HSD3B2: variants seen among roughly 807,000 people sequenced by gnomAD.
HSD3B2 encodes 3 beta-hydroxysteroid dehydrogenase/Delta 5-->4-isomerase type 2.
Under a neutral mutation model 9.9 loss-of-function variants are expected in HSD3B2, and 8 were observed. That is an observed-to-expected ratio of 0.81 (90% confidence interval 0.47 to 1.46). HSD3B2 has a LOEUF of 1.46. Among genes scored for constraint, HSD3B2 ranks in the 40% most tolerant of loss-of-function variants. The pLI is 0.00. For missense variants in HSD3B2, 410 were observed against 448.3 expected (o/e 0.91, Z 0.77); for synonymous variants, 221 against 184.5 (o/e 1.20, Z -1.60).
intron 2 of HSD3B2, among the ~76,000 whole-genome samples, chr1:119,418,868 C>A (rs932530158): frequency 5.9e-5 from 9 of 152,062 alleles, no homozygotes; most frequent in African/African-American, 2.2e-4. Context: ...TCCAGCCAGA[C>A]CTCCACCTCC....
chr1:119,422,332 C>A lies in HSD3B2; in HGVS notation c.831C>A (p.Leu277=). Residue 277 remains leucine, a synonymous_variant, in exon 4 of 4, where the codon CTC becomes CTA. Coordinates refer to ENST00000369416, the MANE Select transcript of HSD3B2 (RefSeq NM_000198.4). Reference sequence around the variant, plus strand: ...ACATCCTGAGCAAAGAGTTTGGCCTCCGCCTTGATTCCAGATGGAGCCTTC... The same window carrying A: ...ACATCCTGAGCAAAGAGTTTGGCCTACGCCTTGATTCCAGATGGAGCCTTC... ...LNYILSKEFG[L]RLDSRWSLPL... 6.2e-7 allele frequency: 1 copy of A among 1,614,182 alleles called. No homozygotes were observed. The highest frequency in any genetic ancestry group is 8.5e-7 in the Non-Finnish European group (1 of 1,180,004).
rs1476492549 is a variant in HSD3B2, at chr1:119,423,028, A to C, written c.*408A>C. ...AGAGCAATAAATGTTTTAATGCTTA[A>C]CATGGAGAGAAGCATGGTTTCTGTT... On this transcript the variant is annotated 3_prime_UTR_variant, in exon 4 of 4. Coordinates refer to ENST00000369416, the MANE Select transcript of HSD3B2 (RefSeq NM_000198.4). 2 of 306,462 alleles carry C rather than the reference A, an allele frequency of 6.5e-6. No homozygotes were observed. Among genetic ancestry groups the C allele is most frequent in the Admixed American group, 9.5e-5 (2 of 21,150 alleles). The allele number at this position is 306,462 out of a possible 1,614,324, so 19.0% of individuals were successfully genotyped here. A position where few individuals can be genotyped will look rare whatever the true frequency, so the allele number is the denominator to read the frequency against.
intron 3 of HSD3B2, 59 bp from the exon 4 acceptor site, chr1:119,421,750 T>A: frequency 6.3e-7 from 1 of 1,586,384 alleles, no homozygotes. Flanking sequence ...GATCTGTGCA[T>A]GTGGTTGCAG....
chr1:119,421,779 T>A (rs587730005), intron 3 of HSD3B2, 30 bp from the exon 4 acceptor site: 2 of 1,612,900 alleles, frequency 1.2e-6, no homozygotes, highest in East Asian at 4.5e-5. Flanking sequence ...GGATATTTCC[T>A]GACACTGTCA....
chr1:119,419,758 G>T (rs1651810730), intron 3 of HSD3B2, 176 bp downstream of exon 3: 1 of 660,666 alleles, frequency 1.5e-6, no homozygotes, highest in African/African-American at 1.8e-5. Flanking sequence ...TTTTAGATGA[G>T]AAAACTAGGG....
Position 119,415,991 on chromosome 1 carries a change from C to G in HSD3B2, c.142+430C>G, listed in dbSNP as rs587613635. On this transcript the variant is annotated intron_variant, in intron 2 of 3. Coordinates refer to ENST00000369416, the MANE Select transcript of HSD3B2 (RefSeq NM_000198.4). ...AGGCTTCATTTCATTTTATAGCTTC[C>G]TTAGTATCTTTAGTGAGGGCAAAAT... Among the ~76,000 whole-genome samples, 9 of 152,198 alleles carry G rather than the reference C, an allele frequency of 5.9e-5. No individual in the cohort carries two copies. In the East Asian group the frequency reaches 1.5e-3, roughly 26 times the overall value.
chr1:119,415,833 C>T (rs141596586), intron 2 of HSD3B2, among the ~76,000 whole-genome samples: 1 of 152,322 alleles, frequency 6.6e-6, no homozygotes, highest in Non-Finnish European at 1.5e-5. Flanking sequence ...GAGAGTCACA[C>T]ATGAGTTCTC....
chr1:119,419,144 C>T (rs1026313013), intron 2 of HSD3B2, among the ~76,000 whole-genome samples: 8 of 152,150 alleles, frequency 5.3e-5, no homozygotes, highest in Non-Finnish European at 1.2e-4. Context: ...TCTAGCAATG[C>T]TTATATTTCA....
Position 119,422,995 on chromosome 1 carries a change from C to A in HSD3B2, c.*375C>A, listed in dbSNP as rs1360651487. The A allele has an allele frequency of 1.1e-5, 4 of 365,246 alleles. No individual in the cohort carries two copies. The highest frequency in any genetic ancestry group is 2.0e-5 in the Non-Finnish European group (4 of 198,312). 22.6% of individuals were successfully genotyped at this position (365,246 alleles called of 1,614,324 possible). Reference sequence around the variant, plus strand: ...TAATCTCCTATTCCTTCACACAGTTCAACATAAAGAGCAATAAATGTTTTA... The same window carrying A: ...TAATCTCCTATTCCTTCACACAGTTAAACATAAAGAGCAATAAATGTTTTA... On this transcript the variant is annotated 3_prime_UTR_variant, in exon 4 of 4. Coordinates refer to ENST00000369416, the MANE Select transcript of HSD3B2 (RefSeq NM_000198.4).
chr1:119,419,868 G>A, intron 3 of HSD3B2: 1 of 416,936 alleles, frequency 2.4e-6, no homozygotes. Context: ...AAAGGCTGTG[G>A]AAGCTCTTTC....
chr1:119,419,529 T>C lies in HSD3B2; in HGVS notation c.254T>C (p.Ile85Thr). The change falls in exon 3 of 4, where the codon ATT (isoleucine) becomes ACT (threonine). Residue 85 changes from isoleucine to threonine, a missense_variant. By Grantham distance (89) the Ile-to-Thr change is moderately conservative. Transcript: ENST00000369416. ...GTCGTCATCCACACCGCCTGTATCA[T>C]TGATGTCTTTGGTGTCACTCACAGA... Reference protein sequence around the residue: ...VSVVIHTACIIDVFGVTHRES... With the variant: ...VSVVIHTACITDVFGVTHRES... 6.2e-7 allele frequency: 1 copy of C among 1,613,898 alleles called. No homozygotes were observed. The highest frequency in any genetic ancestry group is 8.5e-7 in the Non-Finnish European group (1 of 1,179,832).
chr1:119,422,681 A>T lies in HSD3B2; in HGVS notation c.*61A>T, dbSNP rs1651926308. ...TAGGAAATGTCATCAAACTCCACCCACCTGGCTTCATACAGAAGGCAACAG... is the reference window on the plus strand; with the variant it reads ...TAGGAAATGTCATCAAACTCCACCCTCCTGGCTTCATACAGAAGGCAACAG... On this transcript the variant is annotated 3_prime_UTR_variant, in exon 4 of 4. Transcript: ENST00000369416. 6.3e-7 allele frequency: 1 copy of T among 1,592,754 alleles called. No homozygotes were observed. Among genetic ancestry groups the T allele is most frequent in the Non-Finnish European group, 8.6e-7 (1 of 1,168,192 alleles).
chr1:119,421,135 A>G (rs1011811944), intron 3 of HSD3B2, among the ~76,000 whole-genome samples: 1 of 151,922 alleles, frequency 6.6e-6, no homozygotes, highest in African/African-American at 2.4e-5. Flanking sequence ...TATATCTAAG[A>G]GTGTATATTG....
intron 2 of HSD3B2, among the ~76,000 whole-genome samples, chr1:119,419,185 C>T (rs1651791752): frequency 6.6e-6 from 1 of 152,166 alleles, no homozygotes; most frequent in Non-Finnish European, 1.5e-5. Context: ...GCTCACATTA[C>T]TTTTCTGGAA....
intron 2 of HSD3B2, 121 bp downstream of exon 2, chr1:119,415,682 T>A: frequency 2.0e-6 from 2 of 1,015,324 alleles, no homozygotes; most frequent in Non-Finnish European, 3.1e-6. Flanking sequence ...GTCACACATC[T>A]AAAGTCATCA....
At chr1:119,416,094 G>A (rs1286153555) in intron 2 of HSD3B2, among the ~76,000 whole-genome samples, 1 of 151,952 alleles carries the variant, frequency 6.6e-6, no homozygotes, top group Non-Finnish European at 1.5e-5. Context: ...GGGGAAAGAA[G>A]GTCAGAGACA....
rs199919404 is a variant in HSD3B2 at position 119,422,585 on chromosome 1, C to T, written c.1084C>T (p.Arg362Trp). 3.8e-5 allele frequency: 62 copies of T among 1,614,000 alleles called. No homozygotes were observed. The East Asian group carries it at 4.0e-4, about 10-fold the overall frequency. The change falls in exon 4 of 4, where the codon CGG (arginine) becomes TGG (tryptophan). Residue 362 changes from arginine to tryptophan, a missense_variant. Coordinates refer to ENST00000369416, the MANE Select transcript of HSD3B2 (RefSeq NM_000198.4). The stretch of plus-strand genomic sequence containing the variant: ...GGAGTGGGTTGGTTCCCTTGTGGAC[C>T]GGCACAAGGAGACCCTGAAGTCCAA... Reference protein sequence around the residue: ...TVEWVGSLVDRHKETLKSKTQ With the variant: ...TVEWVGSLVDWHKETLKSKTQ
Position 119,422,596 on chromosome 1 carries a change from G to A in HSD3B2, c.1095G>A (p.Glu365=). Residue 365 remains glutamate (E), a synonymous_variant, in exon 4 of 4, where the codon GAG becomes GAA. Transcript: ENST00000369416. Reference sequence around the variant, plus strand: ...GTTCCCTTGTGGACCGGCACAAGGAGACCCTGAAGTCCAAGACTCAGTGAT... The same window carrying A: ...GTTCCCTTGTGGACCGGCACAAGGAAACCCTGAAGTCCAAGACTCAGTGAT... The part of the protein sequence containing the change: ...WVGSLVDRHK[E]TLKSKTQ 6.2e-7 allele frequency: 1 copy of A among 1,614,068 alleles called. No homozygotes were observed. Among genetic ancestry groups the A allele is most frequent in the Non-Finnish European group, 8.5e-7 (1 of 1,180,004 alleles).
Position 119,421,912 on chromosome 1 carries a change from C to A in HSD3B2, c.411C>A (p.Ile137=), listed in dbSNP as rs374909270. 1.1e-5 allele frequency: 17 copies of A among 1,613,928 alleles called. No individual in the cohort carries two copies. The highest frequency in any genetic ancestry group is 1.7e-5 in the Admixed American group (1 of 59,986). ...GGCCCAACTCCTACAAGGAAATCAT[C>A]CAGAACGGCCACGAAGAAGAGCCTC... ...VAGPNSYKEI[I]QNGHEEEPLE... The change falls in exon 4 of 4, where the codon ATC becomes ATA. Residue 137 remains isoleucine, a synonymous_variant. Coordinates refer to ENST00000369416, the MANE Select transcript of HSD3B2 (RefSeq NM_000198.4).
Sources: gnomAD v4.1 joint callset for allele counts (sites outside exome capture counted in the v4.1 genomes callset) on GRCh38, gnomAD v4.1.1 for gene constraint, MANE v1.5 for transcripts, NCBI Gene and HGNC (gene_info 2026-07-23, HGNC 2026-07-21) for gene names.